Variants in TTLL12 observed in about 807,000 individuals in gnomAD.
TTLL12 encodes tubulin tyrosine ligase like 12.
TTLL12 carries 77 observed loss-of-function variants against 79.6 expected under a neutral mutation model. That is an observed-to-expected ratio of 0.97 (90% confidence interval 0.81 to 1.17). The LOEUF (loss-of-function observed/expected upper bound fraction) is 1.17. Among genes scored for constraint, TTLL12 ranks in the 50% most tolerant of loss-of-function variants. The pLI is 0.00. For synonymous variants in TTLL12, 437 were observed against 376.1 expected (o/e 1.16, Z -1.87); for missense variants, 969 against 895.9 (o/e 1.08, Z -1.04).
At chr22:43,181,905 G>T (rs1204978076) in intron 2 of TTLL12, among the ~76,000 whole-genome samples, 2 of 151,420 alleles carry the variant, frequency 1.3e-5, no homozygotes, top group Non-Finnish European at 3.0e-5. Flanking sequence ...GTGACCCTGG[G>T]CAAGTGCAAC....
At chr22:43,175,839 A>AT (rs753447234) in intron 6 of TTLL12, among the ~76,000 whole-genome samples, 10,249 of 128,246 alleles carry the variant, frequency 0.08, 794 homozygotes, top group East Asian at 0.43. Flanking sequence ...TGCCCTACTA[A>AT]TTTTTTTTTT....
Position 43,167,270 on chromosome 22 carries a change from G to A in TTLL12, c.*738C>T, listed in dbSNP as rs1397496336. On this transcript the variant is annotated 3_prime_UTR_variant, in exon 14 of 14. Coordinates refer to ENST00000216129, the MANE Select transcript of TTLL12 (RefSeq NM_015140.4). Reference sequence around the variant, plus strand: ...GACCCCGTGGAGTGCCCGGCGAGCAGGGCAACCACTGGGAAGACAGATACT... The same window carrying A: ...GACCCCGTGGAGTGCCCGGCGAGCAAGGCAACCACTGGGAAGACAGATACT... The A allele has an allele frequency of 2.0e-6, 1 of 504,984 alleles. No individual in the cohort carries two copies. Among genetic ancestry groups the A allele is most frequent in the Admixed American group, 2.1e-5 (1 of 47,584 alleles). The allele number at this position is 504,984 out of a possible 1,614,324, so 31.3% of individuals were successfully genotyped here. A position where few individuals can be genotyped will look rare whatever the true frequency, so the allele number is the denominator to read the frequency against.
intron 5 of TTLL12, among the ~76,000 whole-genome samples, chr22:43,177,434 G>A (rs1931944835): frequency 6.6e-6 from 1 of 152,154 alleles, no homozygotes; most frequent in African/African-American, 2.4e-5. Context: ...ATCTTCCAAA[G>A]GCAGAGCCGC....
At position 43,173,713 on chromosome 22, in the gene TTLL12, AC is replaced by A; in HGVS notation, c.1341+1del. The A allele has an allele frequency of 6.3e-7, 1 of 1,597,574 alleles. No individual in the cohort carries two copies. ...CTGGGGCTCCTGGTCTGCGGGGCCC[AC>A]CTTGGGGGTGCTCTCTCGGTGCCGG... On this transcript the variant is annotated splice_donor_variant, in intron 9 of 13. Coordinates refer to ENST00000216129, the MANE Select transcript of TTLL12 (RefSeq NM_015140.4). LOFTEE classifies it high-confidence loss of function.
chr22:43,174,669 C>T (rs1428990768), intron 6 of TTLL12, 54 bp from the exon 7 acceptor site: 1 of 1,311,152 alleles, frequency 7.6e-7, no homozygotes, highest in Non-Finnish European at 1.1e-6. Flanking sequence ...CCAAGCGGGA[C>T]TCCAGCACTA....
rs1167918784 is a variant in TTLL12, at chr22:43,166,950, ACCCACTG to A, written c.*1051_*1057del. On this transcript the variant is annotated 3_prime_UTR_variant, in exon 14 of 14. Coordinates refer to ENST00000216129, the MANE Select transcript of TTLL12 (RefSeq NM_015140.4). The stretch of plus-strand genomic sequence containing the variant: ...CTCGCCTGCCTGGGCAGTTAGGTCC[ACCCACTG>A]CCCGTGAGCTGGGCCCAGGCACACT... 3.3e-6 allele frequency: 1 copy of A among 307,312 alleles called. No individual in the cohort carries two copies. Among genetic ancestry groups the A allele is most frequent in the Non-Finnish European group, 6.4e-6 (1 of 157,120 alleles). The allele number at this position is 307,312 out of a possible 1,614,324, so 19.0% of individuals were successfully genotyped here.
chr22:43,186,952 G>C lies in TTLL12; in HGVS notation c.118C>G (p.Arg40Gly). Residue 40 changes from arginine to glycine, a missense_variant, in exon 1 of 14, where the codon CGC becomes GGC. Arg to Gly is a moderately radical substitution (Grantham distance 125). Transcript: ENST00000216129. Reference sequence around the variant, plus strand: ...TAACGTTCGGGGACCCCCGAAGCGCGCAGCGCCGGGCCGTGCAGCGCCGCG... The same window carrying C: ...TAACGTTCGGGGACCCCCGAAGCGCCCAGCGCCGGGCCGTGCAGCGCCGCG... ...EFAALHGPAL[R>G]ASGVPERYWG... 1 of 1,348,566 alleles carries C rather than the reference G, an allele frequency of 7.4e-7. No individual in the cohort carries two copies. Among genetic ancestry groups the C allele is most frequent in the South Asian group, 1.7e-5 (1 of 59,512 alleles). 83.5% of individuals were successfully genotyped at this position (1,348,566 alleles called of 1,614,324 possible).
Position 43,167,934 on chromosome 22 carries a change from G to A in TTLL12, c.*74C>T. 1.3e-6 allele frequency: 2 copies of A among 1,552,898 alleles called. No individual in the cohort carries two copies. The highest frequency in any genetic ancestry group is 1.8e-6 in the Non-Finnish European group (2 of 1,141,314). On this transcript the variant is annotated 3_prime_UTR_variant, in exon 14 of 14. Transcript: ENST00000216129. ...GGCCGGTGTGGGGAGGGACATGGGGGCCTTTGCAGAAGCAGCTCAGAGAAC... is the reference window on the plus strand; with the variant it reads ...GGCCGGTGTGGGGAGGGACATGGGGACCTTTGCAGAAGCAGCTCAGAGAAC...
Position 43,179,675 on chromosome 22 carries a change from T to TG in TTLL12, c.783dup (p.Thr262HisfsTer32). ...CAAGAGCTGAGGTCCAGCATGTCGG[T>TG]GGGGGCCCAGGGCAGCAGCATGCAC... On this transcript the variant is annotated frameshift_variant, in exon 5 of 14. Transcript: ENST00000216129. LOFTEE classifies it high-confidence loss of function. 6.3e-7 allele frequency: 1 copy of TG among 1,579,724 alleles called. No individual in the cohort carries two copies. The highest frequency in any genetic ancestry group is 8.6e-7 in the Non-Finnish European group (1 of 1,164,028).
Position 43,182,950 on chromosome 22 carries a change from T to C in TTLL12, c.347+30A>G, listed in dbSNP as rs950790108. 1.7e-5 allele frequency: 27 copies of C among 1,604,738 alleles called. No homozygotes were observed. The Admixed American group carries it at 3.7e-4, about 22-fold the overall frequency. On this transcript the variant is annotated intron_variant, in intron 2 of 13. Coordinates refer to ENST00000216129, the MANE Select transcript of TTLL12 (RefSeq NM_015140.4). ...TCTCCCACCTTTCACCAAGTGAAGGTTGTGGTGGTGTCTCTGGCCAGGCTC... is the reference window on the plus strand; with the variant it reads ...TCTCCCACCTTTCACCAAGTGAAGGCTGTGGTGGTGTCTCTGGCCAGGCTC...
At chr22:43,185,857 C>G in intron 1 of TTLL12, 4 of 698,044 alleles carry the variant, frequency 5.7e-6, no homozygotes, top group Non-Finnish European at 7.0e-6. Flanking sequence ...GTCCCTTCCA[C>G]CCAGCACAGG....
intron 1 of TTLL12, among the ~76,000 whole-genome samples, 180 bp downstream of exon 1, chr22:43,186,713 G>A (rs556323178): frequency 6.6e-6 from 1 of 152,208 alleles, no homozygotes; most frequent in Admixed American, 6.5e-5. Context: ...CAGGTACCCC[G>A]GTCTCCTGCT....
rs954349444 is a variant in TTLL12 at position 43,183,212 on chromosome 22, C to T, written c.178-63G>A. 2.5e-6 allele frequency: 4 copies of T among 1,591,344 alleles called. No individual in the cohort carries two copies. In the African/African-American group the frequency reaches 4.0e-5, roughly 16 times the overall value. On this transcript the variant is annotated intron_variant, in intron 1 of 13. Transcript: ENST00000216129. ...GGAGACCCCACCCCAATGCCTTCAC[C>T]ACTCCAGAAAGCCACCCGAGGTGCC...
chr22:43,166,821 C>T lies in TTLL12; in HGVS notation c.*1187G>A, dbSNP rs1931628314. 1 of 179,900 alleles carries T rather than the reference C, an allele frequency of 5.6e-6. No individual in the cohort carries two copies. Among genetic ancestry groups the T allele is most frequent in the Non-Finnish European group, 1.2e-5 (1 of 84,636 alleles). The allele number at this position is 179,900 out of a possible 1,614,324, so 11.1% of individuals were successfully genotyped here. A position where few individuals can be genotyped will look rare whatever the true frequency, so the allele number is the denominator to read the frequency against. ...ACACAGAGAGGAGAGGCAGCATCAT[C>T]AGGTGCAGCTTTGCTACAAGAAAGA... On this transcript the variant is annotated 3_prime_UTR_variant, in exon 14 of 14. Transcript: ENST00000216129.
At position 43,187,104 on chromosome 22, in the gene TTLL12, C is replaced by G; in HGVS notation, c.-35G>C. On this transcript the variant is annotated 5_prime_UTR_variant, in exon 1 of 14. Transcript: ENST00000216129. ...ACCCGCGCCGACTCCAGCGCCGCCA[C>G]CGCCGCCGCCGCCCGCCGTCCGTCG... 3 of 1,057,482 alleles carry G rather than the reference C, an allele frequency of 2.8e-6. No individual in the cohort carries two copies. Among genetic ancestry groups the G allele is most frequent in the Non-Finnish European group, 3.4e-6 (3 of 878,288 alleles). 65.5% of individuals were successfully genotyped at this position (1,057,482 alleles called of 1,614,324 possible).
At chr22:43,178,040 C>T (rs939102228) in intron 5 of TTLL12, among the ~76,000 whole-genome samples, 2 of 152,178 alleles carry the variant, frequency 1.3e-5, no homozygotes, top group African/African-American at 4.8e-5. Context: ...GTTCCATTAA[C>T]AAACAAACCC....
At chr22:43,181,095 A>G (rs1005459157) in intron 2 of TTLL12, among the ~76,000 whole-genome samples, 155 bp from the exon 3 acceptor site, 3 of 152,146 alleles carry the variant, frequency 2.0e-5, no homozygotes, top group African/African-American at 7.2e-5. Context: ...TTTGGACTCC[A>G]GTGGGCCTGG....
chr22:43,185,341 G>A (rs1173373247), intron 1 of TTLL12, among the ~76,000 whole-genome samples: 1 of 146,754 alleles, frequency 6.8e-6, no homozygotes, highest in Non-Finnish European at 1.5e-5. Context: ...CAGGGCAGCC[G>A]GCCTAAGGTG....
intron 1 of TTLL12, among the ~76,000 whole-genome samples, chr22:43,183,583 C>G (rs1009868914): frequency 3.3e-5 from 5 of 152,246 alleles, no homozygotes; most frequent in African/African-American, 1.2e-4. Flanking sequence ...CCAATGCCCC[C>G]CTCACCAGAA....
Sources: gnomAD v4.1 joint callset for allele counts (sites outside exome capture counted in the v4.1 genomes callset) on GRCh38, gnomAD v4.1.1 for gene constraint, MANE v1.5 for transcripts, NCBI Gene and HGNC (gene_info 2026-07-23, HGNC 2026-07-21) for gene names.